The following BRIP1 variants were observed in gnomAD, a reference collection of about 807,000 sequenced individuals.
The protein encoded by BRIP1 is Fanconi anemia group J protein.
A neutral mutation model predicts 119.7 loss-of-function variants in BRIP1; 88 were observed. That is an observed-to-expected ratio of 0.74 (90% CI 0.62 to 0.88). The LOEUF (loss-of-function observed/expected upper bound fraction) is 0.88. Among genes scored for constraint, BRIP1 ranks in the 40% least tolerant of loss-of-function variants. The pLI is 0.00. For missense variants in BRIP1, 1,259 were observed against 1,455.4 expected, an observed-to-expected ratio of 0.87 and a Z score of 2.20; for synonymous variants, 443 against 496.5, an observed-to-expected ratio of 0.89 and a Z score of 1.43.
In BRIP1 at chr17:61,796,947, T is replaced by C. The variant is rs187841579; in HGVS notation, c.1340+2153A>G. 1.3e-3 allele frequency among the ~76,000 whole-genome samples: 191 copies of C among 152,110 alleles called. 1 individual carries two copies. The highest frequency in any genetic ancestry group is 6.8e-3 in the Middle Eastern group (2 of 294). On this transcript the variant is annotated intron_variant, in intron 9 of 19. Coordinates refer to ENST00000259008, the MANE Select transcript of BRIP1 (RefSeq NM_032043.3). This position sits in a 1 kb window ranked among gnomAD's most constrained non-coding sequence, Gnocchi z 4.8. ...TATTATTAAGGATAGTATTTAACTT[T>C]TTTACTTGAGGAACTGGTACATACT...
chr17:61,808,753 G>A lies in BRIP1; in HGVS notation c.632C>T (p.Pro211Leu), dbSNP rs780026145. The change falls in exon 7 of 20, where the codon CCT (proline) becomes CTT (leucine). Residue 211 changes from proline to leucine, a missense_variant. Pro to Leu is a moderately conservative substitution (Grantham distance 98). This residue lies in a region of BRIP1 where 501 missense variants were observed against 544.0 expected (regional missense o/e 0.92). Coordinates refer to ENST00000259008, the MANE Select transcript of BRIP1 (RefSeq NM_032043.3). This position sits in a 1 kb window ranked among gnomAD's most constrained non-coding sequence, Gnocchi z 4.1. ...KINSFSPQKPPGHCSRCCCST... is the reference protein window; with the variant it reads ...KINSFSPQKPLGHCSRCCCST... ...ACAACAGCACCTAGAACAGTGGCCA[G>A]GGGGCTGTAAGAAAGGAAAGAAACG... 10 of 1,612,136 alleles carry A rather than the reference G, an allele frequency of 6.2e-6. No individual in the cohort carries two copies. The South Asian group carries it at 9.9e-5, about 16-fold the overall frequency.
At chr17:61,788,497 AAAAC>A (rs2077767113) in intron 10 of BRIP1, among the ~76,000 whole-genome samples, 1 of 152,236 alleles carries the variant, frequency 6.6e-6, no homozygotes, top group South Asian at 2.1e-4. Flanking sequence ...ATGGCAGAGT[AAAAC>A]AAAGGACAGC....
rs953047040 is a variant in BRIP1 at position 61,704,499 on chromosome 17, T to C, written c.2493-10987A>G. Among the ~76,000 whole-genome samples the C allele has an allele frequency of 1.3e-4, 20 of 152,290 alleles. No individual in the cohort carries two copies. The highest frequency in any genetic ancestry group is 3.4e-4 in the African/African-American group (14 of 41,584). The stretch of plus-strand genomic sequence containing the variant: ...TTTCATCTTGGCCTCATAAAATAAA[T>C]TGAGAAGGATTACATCTTCTATTTT... On this transcript the variant is annotated intron_variant, in intron 17 of 19. Transcript: ENST00000259008. This position sits in a 1 kb window ranked among gnomAD's most constrained non-coding sequence, Gnocchi z 5.7.
At position 61,825,670 on chromosome 17, in the gene BRIP1, A is replaced by G. The variant is rs151051755; in HGVS notation, c.628-16913T>C. On this transcript the variant is annotated intron_variant, in intron 6 of 19. Transcript: ENST00000259008. The surrounding 1 kb of genome is among the most constrained non-coding windows in gnomAD (Gnocchi z 4.1). Reference sequence around the variant, plus strand: ...ATAAATAAATAAATAAATAAATAAAATAACTGGGAATACAACTAACCAGGT... The same window carrying G: ...ATAAATAAATAAATAAATAAATAAAGTAACTGGGAATACAACTAACCAGGT... Among the ~76,000 whole-genome samples, 1 of 144,880 alleles carries G rather than the reference A, an allele frequency of 6.9e-6. No homozygotes were observed. The highest frequency in any genetic ancestry group is 2.6e-5 in the African/African-American group (1 of 39,126).
At chr17:61,863,099 C>G (rs574835790) in intron 1 of BRIP1, among the ~76,000 whole-genome samples, 185 bp downstream of exon 1, 3 of 151,918 alleles carry the variant, frequency 2.0e-5, no homozygotes, top group Non-Finnish European at 4.4e-5. Context: ...AGCGCCCGGG[C>G]TAAGAACAGG....
intron 18 of BRIP1, among the ~76,000 whole-genome samples, chr17:61,688,727 C>T (rs545722028): frequency 7.4e-6 from 1 of 134,426 alleles, no homozygotes; most frequent in African/African-American, 2.8e-5. Flanking sequence ...GTCAAAGGAA[C>T]AAAATAAGTC....
intron 1 of BRIP1, 40 bp downstream of exon 1, chr17:61,863,241 CAGA>C (rs1236668814): frequency 6.6e-6 from 1 of 152,162 alleles, no homozygotes; most frequent in Non-Finnish European, 1.5e-5. Flanking sequence ...GCAGGCTGTG[CAGA>C]AGAACTCAAG....
rs1603346813 is a variant in BRIP1, at chr17:61,808,607, T to TAATCTGAGC, written c.769_777dup (p.Ala257_Ile259dup). 1 of 1,614,008 alleles carries TAATCTGAGC rather than the reference T, an allele frequency of 6.2e-7. No individual in the cohort carries two copies. Among genetic ancestry groups the TAATCTGAGC allele is most frequent in the Middle Eastern group, 1.6e-4 (1 of 6,062 alleles). On this transcript the variant is annotated inframe_insertion, in exon 7 of 20. Transcript: ENST00000259008. The surrounding 1 kb of genome is among the most constrained non-coding windows in gnomAD (Gnocchi z 4.1). The stretch of plus-strand genomic sequence containing the variant: ...TATGCCGTCCTCCGGAGCTCTCTAG[T>TAATCTGAGC]AATCTGAGCAATCTGCTTGTGTGTG...
rs1380085716 is a variant in BRIP1 at position 61,752,888 on chromosome 17, G to A, written c.2098-8297C>T. ...AAAAAGGTTCACAGGTGCTCTGTAGGTATATGATTAGCCCAAATATGATTA... is the reference window on the plus strand; with the variant it reads ...AAAAAGGTTCACAGGTGCTCTGTAGATATATGATTAGCCCAAATATGATTA... On this transcript the variant is annotated intron_variant, in intron 14 of 19. Transcript: ENST00000259008. This position sits in a 1 kb window ranked among gnomAD's most constrained non-coding sequence, Gnocchi z 6.2. Among the ~76,000 whole-genome samples, 1 of 152,154 alleles carries A rather than the reference G, an allele frequency of 6.6e-6. No individual in the cohort carries two copies. Among genetic ancestry groups the A allele is most frequent in the African/African-American group, 2.4e-5 (1 of 41,420 alleles).
In BRIP1 at chr17:61,680,758, C is replaced by A. The variant is rs150080122; in HGVS notation, c.*2538G>T. On this transcript the variant is annotated 3_prime_UTR_variant, in exon 20 of 20. Transcript: ENST00000259008. ...CCTCCCAAAGTGCTGGGATTACAGG[C>A]GTGAGCCACCGCGCCTGGCCCTAAA... 6.6e-6 allele frequency among the ~76,000 whole-genome samples: 1 copy of A among 152,118 alleles called. No individual in the cohort carries two copies. The highest frequency in any genetic ancestry group is 1.5e-5 in the Non-Finnish European group (1 of 68,022).
chr17:61,816,993 C>A lies in BRIP1; in HGVS notation c.628-8236G>T, dbSNP rs1011758039. On this transcript the variant is annotated intron_variant, in intron 6 of 19. Transcript: ENST00000259008. This position sits in a 1 kb window ranked among gnomAD's most constrained non-coding sequence, Gnocchi z 5.0. The stretch of plus-strand genomic sequence containing the variant: ...ATATTGACAAAGTCTCAAAATATCA[C>A]CCCACAGATTATTCATTAATTACAA... Among the ~76,000 whole-genome samples the A allele has an allele frequency of 3.3e-5, 5 of 152,134 alleles. No homozygotes were observed. Among genetic ancestry groups the A allele is most frequent in the Non-Finnish European group, 7.4e-5 (5 of 68,008 alleles).
Position 61,818,255 on chromosome 17 carries a change from A to G in BRIP1, c.628-9498T>C, listed in dbSNP as rs182697967. Among the ~76,000 whole-genome samples, 3 of 152,186 alleles carry G rather than the reference A, an allele frequency of 2.0e-5. No individual in the cohort carries two copies. The East Asian group carries it at 5.8e-4, about 29-fold the overall frequency. ...TATTTCTATAGATGTAAGAATTTCA[A>G]ATATATGATAAAGATGCTGTATTAG... is the stretch of plus-strand genomic sequence containing the variant. On this transcript the variant is annotated intron_variant, in intron 6 of 19. Coordinates refer to ENST00000259008, the MANE Select transcript of BRIP1 (RefSeq NM_032043.3).
chr17:61,706,444 A>G lies in BRIP1; in HGVS notation c.2492+9507T>C, dbSNP rs921944434. Among the ~76,000 whole-genome samples, 14 of 152,130 alleles carry G rather than the reference A, an allele frequency of 9.2e-5. No homozygotes were observed. Among genetic ancestry groups the G allele is most frequent in the African/African-American group, 3.4e-4 (14 of 41,436 alleles). On this transcript the variant is annotated intron_variant, in intron 17 of 19. Transcript: ENST00000259008. The surrounding 1 kb of genome is among the most constrained non-coding windows in gnomAD (Gnocchi z 5.7). ...TTTTAACTTTTATCAAAGAAACACG[A>G]ACACATAGTTTTATGTTTTCAATGA... is the stretch of plus-strand genomic sequence containing the variant.
Position 61,682,930 on chromosome 17 carries a change from G to A in BRIP1, c.*366C>T, listed in dbSNP as rs1195798520. The A allele has an allele frequency of 1.7e-5, 4 of 232,768 alleles. No homozygotes were observed. The highest frequency in any genetic ancestry group is 3.4e-5 in the Non-Finnish European group (4 of 117,794). The allele number at this position is 232,768 out of a possible 1,614,324, so 14.4% of individuals were successfully genotyped here. ...GGGCAGATCACGAGGCCAGGAGTTC[G>A]AGACCAGCCTGGCCAACATGGTGAA... On this transcript the variant is annotated 3_prime_UTR_variant, in exon 20 of 20. Coordinates refer to ENST00000259008, the MANE Select transcript of BRIP1 (RefSeq NM_032043.3). This position sits in a 1 kb window ranked among gnomAD's most constrained non-coding sequence, Gnocchi z 4.9.
chr17:61,696,436 C>T (rs778858634), intron 17 of BRIP1, among the ~76,000 whole-genome samples: 12 of 151,990 alleles, frequency 7.9e-5, no homozygotes, highest in Non-Finnish European at 1.0e-4. Flanking sequence ...ATGTATTTTA[C>T]TTGTTTTAGT....
intron 10 of BRIP1, among the ~76,000 whole-genome samples, chr17:61,786,983 TATATAAATTTATAA>T (rs1203909092): frequency 1.4e-4 from 1 of 6,914 alleles, no homozygotes; most frequent in Non-Finnish European, 2.5e-4. Context: ...TTTATAAATT[TATATAAATTTATAA>T]ATAATTTTAT....
intron 10 of BRIP1, among the ~76,000 whole-genome samples, chr17:61,788,537 A>G (rs2077767717): frequency 6.6e-6 from 1 of 152,224 alleles, no homozygotes; most frequent in South Asian, 2.1e-4. Context: ...GGAAAATAAT[A>G]AAGTGAGGGA....
rs993250914 is a variant in BRIP1, at chr17:61,689,953, T to C, written c.2575+3477A>G. 3.3e-5 allele frequency among the ~76,000 whole-genome samples: 5 copies of C among 152,072 alleles called. No homozygotes were observed. Among genetic ancestry groups the C allele is most frequent in the African/African-American group, 4.8e-5 (2 of 41,412 alleles). ...CCTGGGAGGCTGAGGCTGCAGTGAG[T>C]CATGATCATGCCACTGGACTCCTGC... On this transcript the variant is annotated intron_variant, in intron 18 of 19. Transcript: ENST00000259008. This position sits in a 1 kb window ranked among gnomAD's most constrained non-coding sequence, Gnocchi z 4.5.
At position 61,810,986 on chromosome 17, in the gene BRIP1, C is replaced by G. The variant is rs2078152368; in HGVS notation, c.628-2229G>C. On this transcript the variant is annotated intron_variant, in intron 6 of 19. Coordinates refer to ENST00000259008, the MANE Select transcript of BRIP1 (RefSeq NM_032043.3). This position sits in a 1 kb window ranked among gnomAD's most constrained non-coding sequence, Gnocchi z 4.7. ...TTTAAATGTTACACTAGTAGTGGTACTAACAAAAGCAAAAGATCAAGAACT... is the reference window on the plus strand; with the variant it reads ...TTTAAATGTTACACTAGTAGTGGTAGTAACAAAAGCAAAAGATCAAGAACT... Among the ~76,000 whole-genome samples the G allele has an allele frequency of 6.6e-6, 1 of 152,110 alleles. No individual in the cohort carries two copies. Among genetic ancestry groups the G allele is most frequent in the African/African-American group, 2.4e-5 (1 of 41,412 alleles).
Sources: gnomAD v4.1 joint callset for allele counts (sites outside exome capture counted in the v4.1 genomes callset) on GRCh38, gnomAD v4.1.1 for gene constraint, gnomAD v4.1.1 regional missense constraint, Gnocchi (gnomAD v3.1) non-coding constraint, MANE v1.5 for transcripts, NCBI Gene and HGNC (gene_info 2026-07-23, HGNC 2026-07-21) for gene names.